Variants in AFF3 observed in about 807,000 individuals in gnomAD.
The protein encoded by AFF3 is ALF transcription elongation factor 3.
A neutral mutation model predicts 129.7 loss-of-function variants in AFF3; 32 were observed. The ratio of observed to expected loss-of-function variants is 0.25; its 90% CI spans 0.19 to 0.33. The LOEUF is 0.33. Among genes scored for constraint, AFF3 ranks in the 10% least tolerant of loss-of-function variants. The probability of loss-of-function intolerance (pLI) is 1.00; values close to 1 mark genes in which losing one functional copy is unlikely to be tolerated. For synonymous variants in AFF3, 644 were observed against 635.4 expected (o/e 1.01, Z -0.20); for missense variants, 1,373 against 1,592.0 (o/e 0.86, Z 2.34).
At chr2:99,752,836 G>A (rs1681772984) in intron 8 of AFF3, among the ~76,000 whole-genome samples, 1 of 152,122 alleles carries the variant, frequency 6.6e-6, no homozygotes, top group Non-Finnish European at 1.5e-5. Flanking sequence ...GAAATACAGA[G>A]ACAGAATGAT....
intron 7 of AFF3, among the ~76,000 whole-genome samples, chr2:99,849,505 C>G (rs2105860989): frequency 6.6e-6 from 1 of 152,200 alleles, no homozygotes; most frequent in South Asian, 2.1e-4. Context: ...TCTGATTTCT[C>G]TAGACCATAC....
chr2:99,851,810 T>C (rs188888207), intron 7 of AFF3, among the ~76,000 whole-genome samples: 5 of 152,342 alleles, frequency 3.3e-5, no homozygotes, highest in East Asian at 1.9e-4. Flanking sequence ...TGTTACTCCA[T>C]TGACAACCTG....
In AFF3 at chr2:100,105,255, G is replaced by A; in HGVS notation, c.-65+249C>T. The A allele has an allele frequency of 2.7e-6, 3 of 1,122,332 alleles. No homozygotes were observed. The South Asian group carries it at 5.1e-5, about 19-fold the overall frequency. 69.5% of individuals were successfully genotyped at this position (1,122,332 alleles called of 1,614,324 possible). A position where few individuals can be genotyped will look rare whatever the true frequency, so the allele number is the denominator to read the frequency against. Reference sequence around the variant, plus strand: ...GGCGCTCCCGCGGGCGGCGGACCCGGGTGGGTGCGGGGGAATTCCCCGGCC... The same window carrying A: ...GGCGCTCCCGCGGGCGGCGGACCCGAGTGGGTGCGGGGGAATTCCCCGGCC... On this transcript the variant is annotated intron_variant, in intron 3 of 24. Coordinates refer to ENST00000672756, the MANE Select transcript of AFF3 (RefSeq NM_001386135.1).
intron 8 of AFF3, among the ~76,000 whole-genome samples, chr2:99,829,486 A>G (rs888758649): frequency 1.3e-5 from 2 of 152,210 alleles, no homozygotes; most frequent in Non-Finnish European, 2.9e-5. Flanking sequence ...ATGAACAGAC[A>G]CTTCTCAAAA....
intron 8 of AFF3, among the ~76,000 whole-genome samples, chr2:99,784,659 G>A (rs1413830594): frequency 2.0e-5 from 3 of 152,236 alleles, no homozygotes; most frequent in African/African-American, 7.2e-5. Flanking sequence ...GCATTTGAGA[G>A]AAGAAGCTCT....
At chr2:99,944,040 T>C (rs1032147453) in intron 7 of AFF3, among the ~76,000 whole-genome samples, 3 of 151,988 alleles carry the variant, frequency 2.0e-5, no homozygotes, top group African/African-American at 7.2e-5. Flanking sequence ...GCTGGGACTA[T>C]AGGCATGCAC....
chr2:99,838,340 G>A (rs902073757), intron 7 of AFF3, among the ~76,000 whole-genome samples: 1 of 152,122 alleles, frequency 6.6e-6, no homozygotes, highest in Non-Finnish European at 1.5e-5. Flanking sequence ...CAACCTGAGA[G>A]TAGATGTCAC....
At chr2:100,023,297 C>T (rs930537964) in intron 4 of AFF3, among the ~76,000 whole-genome samples, 14 of 152,190 alleles carry the variant, frequency 9.2e-5, no homozygotes, top group African/African-American at 3.4e-4. Flanking sequence ...GCTTCAGGTA[C>T]ATTCTGGAAG....
chr2:99,626,351 T>TCCTTCCTTCCTCTTTCCTC (rs1444228574), intron 13 of AFF3, among the ~76,000 whole-genome samples: 2 of 145,084 alleles, frequency 1.4e-5, no homozygotes, highest in African/African-American at 5.2e-5. Context: ...TCTCTTTCCT[T>TCCTTCCTTCCTCTTTCCTC]CCTTCCTTCC....
chr2:99,729,186 A>G (rs1167391261), intron 10 of AFF3, among the ~76,000 whole-genome samples: 2 of 152,214 alleles, frequency 1.3e-5, no homozygotes, highest in African/African-American at 4.8e-5. Context: ...AGCAGCAGGC[A>G]ATGGTAAAAT....
At position 99,560,433 on chromosome 2, in the gene AFF3, A is replaced by G. The variant is rs758654565; in HGVS notation, c.3123T>C (p.Tyr1041=). ...MYSETVELIR[Y]AMRLKTHSGP... ...CTGAGTGGGTTTTTAGTCTCATAGC[A>G]TACCTTAGAAAAAGCGGGGAGGAGG... Residue 1041 remains tyrosine, a synonymous_variant, in exon 21 of 25, where the codon TAT becomes TAC. Transcript: ENST00000672756. 13 of 1,613,392 alleles carry G rather than the reference A, an allele frequency of 8.1e-6. No individual in the cohort carries two copies. In the South Asian group the frequency reaches 1.1e-4, roughly 14 times the overall value.
intron 8 of AFF3, among the ~76,000 whole-genome samples, chr2:99,809,754 G>A (rs751087439): frequency 3.9e-5 from 6 of 152,320 alleles, no homozygotes; most frequent in African/African-American, 1.2e-4. Flanking sequence ...ATCCCACTGC[G>A]CTGTATTTAT....
At chr2:100,023,601 G>A (rs1207243852) in intron 4 of AFF3, among the ~76,000 whole-genome samples, 2 of 151,944 alleles carry the variant, frequency 1.3e-5, no homozygotes, top group African/African-American at 4.8e-5. Flanking sequence ...AGTTTCCAAG[G>A]AGCCCCCTCT....
At chr2:99,606,915 CAAAA>C (rs10680840) in intron 13 of AFF3, among the ~76,000 whole-genome samples, 1 of 62,186 alleles carries the variant, frequency 1.6e-5, no homozygotes. Context: ...CTCCGTCTCA[CAAAA>C]AAAAAAAAAA....
Position 99,876,948 on chromosome 2 carries a change from C to T in AFF3, c.874-39424G>A, listed in dbSNP as rs535976989. Among the ~76,000 whole-genome samples the T allele has an allele frequency of 1.4e-4, 22 of 152,156 alleles. No individual in the cohort carries two copies. In the South Asian group the frequency reaches 1.9e-3, roughly 13 times the overall value. On this transcript the variant is annotated intron_variant, in intron 7 of 24. Coordinates refer to ENST00000672756, the MANE Select transcript of AFF3 (RefSeq NM_001386135.1). ...TTTAAGAAGGAAAATTGCTTAAAGT[C>T]GAGTTGGATTTTATAGTGGCAAAAG...
In AFF3 at chr2:100,073,325, C is replaced by T. The variant is rs187993229; in HGVS notation, c.53+31077G>A. Among the ~76,000 whole-genome samples the T allele has an allele frequency of 1.9e-3, 285 of 152,340 alleles. 1 individual carries two copies. Among genetic ancestry groups the T allele is most frequent in the South Asian group, 3.9e-3 (19 of 4,818 alleles). On this transcript the variant is annotated intron_variant, in intron 4 of 24. Transcript: ENST00000672756. Reference sequence around the variant, plus strand: ...GCACACAGGCAGAATGCCCAGAAAACATGAAGGTGTCGGGTGATACATCCA... The same window carrying T: ...GCACACAGGCAGAATGCCCAGAAAATATGAAGGTGTCGGGTGATACATCCA...
chr2:99,627,140 G>C (rs12995629), intron 13 of AFF3, among the ~76,000 whole-genome samples: 1 of 152,012 alleles, frequency 6.6e-6, no homozygotes, highest in African/African-American at 2.4e-5. Flanking sequence ...TTAGGTCTTC[G>C]AGGAATCACC....
At chr2:99,828,855 C>G (rs377543651) in intron 8 of AFF3, among the ~76,000 whole-genome samples, 8 of 152,200 alleles carry the variant, frequency 5.3e-5, no homozygotes, top group African/African-American at 1.9e-4. Context: ...ACATCACACA[C>G]GTACACACAT....
In AFF3 at chr2:99,858,538, G is replaced by A. The variant is rs1371066247; in HGVS notation, c.874-21014C>T. ...TGCACTCCAGCCCAGGCAACAGAGTGAGACCTTGTCTTAAGAAAAAAAATG... is the reference window on the plus strand; with the variant it reads ...TGCACTCCAGCCCAGGCAACAGAGTAAGACCTTGTCTTAAGAAAAAAAATG... On this transcript the variant is annotated intron_variant, in intron 7 of 24. Coordinates refer to ENST00000672756, the MANE Select transcript of AFF3 (RefSeq NM_001386135.1). Among the ~76,000 whole-genome samples the A allele has an allele frequency of 5.3e-5, 8 of 152,206 alleles. No individual in the cohort carries two copies. In the South Asian group the frequency reaches 1.0e-3, roughly 20 times the overall value.
Sources: gnomAD v4.1 joint callset for allele counts (sites outside exome capture counted in the v4.1 genomes callset) on GRCh38, gnomAD v4.1.1 for gene constraint, MANE v1.5 for transcripts, NCBI Gene and HGNC (gene_info 2026-07-23, HGNC 2026-07-21) for gene names.